Variants in HEATR5A observed in about 807,000 individuals in gnomAD.
HEATR5A encodes HEAT repeat-containing protein 5A.
Under a neutral mutation model 218.8 loss-of-function variants are expected in HEATR5A, and 178 were observed. The ratio of observed to expected loss-of-function variants is 0.81; its 90% CI spans 0.72 to 0.92. HEATR5A has a LOEUF of 0.92. Ranked by LOEUF, HEATR5A falls within the 40% of genes least tolerant of loss-of-function variation. HEATR5A has a pLI of 0.00. For synonymous variants in HEATR5A, 864 were observed against 871.6 expected (o/e 0.99, Z 0.15); for missense variants, 2,420 against 2,418.9 (o/e 1.00, Z -0.01).
chr14:31,368,682 A>T (rs1901896735), intron 13 of HEATR5A, among the ~76,000 whole-genome samples: 1 of 150,592 alleles, frequency 6.6e-6, no homozygotes, highest in Non-Finnish European at 1.5e-5. Flanking sequence ...AGTGAGCATC[A>T]GTACATCTGA....
intron 1 of HEATR5A, among the ~76,000 whole-genome samples, chr14:31,403,884 T>G (rs971173511): frequency 3.9e-5 from 6 of 152,132 alleles, no homozygotes; most frequent in Non-Finnish European, 7.4e-5. Context: ...ACATACAAAT[T>G]TATAAGATGG....
chr14:31,345,918 A>G (rs1184014806), intron 19 of HEATR5A, among the ~76,000 whole-genome samples: 1 of 152,000 alleles, frequency 6.6e-6, no homozygotes, highest in Non-Finnish European at 1.5e-5. Context: ...ACACACGCAC[A>G]CACACACACA....
chr14:31,363,681 T>C (rs969372250), intron 14 of HEATR5A, among the ~76,000 whole-genome samples: 3 of 152,082 alleles, frequency 2.0e-5, no homozygotes, highest in African/African-American at 7.2e-5. Context: ...AGGAGGTTTT[T>C]TAAAAAAAAG....
chr14:31,306,527 T>C (rs1899561231), intron 31 of HEATR5A, among the ~76,000 whole-genome samples: 1 of 152,136 alleles, frequency 6.6e-6, no homozygotes, highest in Non-Finnish European at 1.5e-5. Flanking sequence ...CTAAAGACTC[T>C]ACTTTCAGGG....
At chr14:31,321,412 G>T in intron 25 of HEATR5A, 87 bp downstream of exon 25, 1 of 1,066,502 alleles carries the variant, frequency 9.4e-7, no homozygotes, top group Non-Finnish European at 1.3e-6. Flanking sequence ...GAAGTGCTGG[G>T]ATTACAGGCA....
chr14:31,412,815 G>A (rs1034269276), intron 1 of HEATR5A, among the ~76,000 whole-genome samples: 4 of 152,068 alleles, frequency 2.6e-5, no homozygotes, highest in African/African-American at 9.7e-5. Context: ...TGAAAGTTGT[G>A]GTGAGCCAAG....
In HEATR5A at chr14:31,387,317, G is replaced by T. The variant is rs1186904081; in HGVS notation, c.992C>A (p.Ala331Asp). The T allele has an allele frequency of 3.7e-6, 6 of 1,613,818 alleles. No homozygotes were observed. In the South Asian group the frequency reaches 4.4e-5, roughly 12 times the overall value. ...GGAWLEKNFA[A>D]FFSHILSLAS... ...AAGGCTTAGGATATGAGAAAAAAAG[G>T]CAGCAAAATTTTTCTCTAGCCAAGC... The change falls in exon 8 of 36, where the codon GCC becomes GAC. Residue 331 changes from alanine to aspartate, a missense_variant. Transcript: ENST00000543095.
chr14:31,309,558 T>G lies in HEATR5A; in HGVS notation c.4442-376A>C, dbSNP rs1008852657. On this transcript the variant is annotated intron_variant, in intron 28 of 35. Transcript: ENST00000543095. ...GTCATAGGGCTGATCTACTTTTAAC[T>G]TCATAAAAAGTTTTCAGCCTAATTA... is the stretch of plus-strand genomic sequence containing the variant. Among the ~76,000 whole-genome samples, 5 of 152,344 alleles carry G rather than the reference T, an allele frequency of 3.3e-5. No homozygotes were observed. The East Asian group carries it at 9.6e-4, about 29-fold the overall frequency.
intron 1 of HEATR5A, among the ~76,000 whole-genome samples, chr14:31,407,643 T>A (rs1356796614): frequency 1.1e-5 from 1 of 91,970 alleles, no homozygotes; most frequent in Non-Finnish European, 2.3e-5. Context: ...TATATGTATT[T>A]TGGAGATGGA....
At chr14:31,305,359 T>C (rs1046096640) in intron 31 of HEATR5A, among the ~76,000 whole-genome samples, 182 bp from the exon 32 acceptor site, 4 of 152,126 alleles carry the variant, frequency 2.6e-5, no homozygotes, top group Non-Finnish European at 5.9e-5. Context: ...GCCTTCCAGT[T>C]TCAAGCGATT....
In HEATR5A at chr14:31,337,627, A is replaced by AT; in HGVS notation, c.3229-14dup. ...TACAAAGATTCACCTGAAAAATACC[A>AT]TTTGAGGAACGACAGAGCTAAAATT... On this transcript the variant is annotated splice_polypyrimidine_tract_variant and intron_variant, in intron 21 of 35. Transcript: ENST00000543095. 1 of 1,594,906 alleles carries AT rather than the reference A, an allele frequency of 6.3e-7. No individual in the cohort carries two copies. Among genetic ancestry groups the AT allele is most frequent in the Admixed American group, 1.7e-5 (1 of 57,414 alleles).
At chr14:31,303,119 A>C (rs1035503859) in intron 32 of HEATR5A, among the ~76,000 whole-genome samples, 2 of 151,750 alleles carry the variant, frequency 1.3e-5, no homozygotes, top group Non-Finnish European at 2.9e-5. Context: ...TAAAAAAAAA[A>C]CCAACCAACT....
chr14:31,345,620 T>C (rs1183563091), intron 19 of HEATR5A, among the ~76,000 whole-genome samples: 2 of 152,356 alleles, frequency 1.3e-5, no homozygotes, highest in Non-Finnish European at 2.9e-5. Flanking sequence ...TTCAACAATA[T>C]GGACAAATCT....
rs2030557780 is a variant in HEATR5A at position 31,394,109 on chromosome 14, A to C, written c.715T>G (p.Ser239Ala). The change falls in exon 6 of 36, where the codon TCA becomes GCA. Residue 239 changes from serine (S) to alanine (A), a missense_variant. Physicochemically the swap from Ser to Ala is moderately conservative, Grantham distance 99. Coordinates refer to ENST00000543095, the MANE Select transcript of HEATR5A (RefSeq NM_015473.4). ...GCTAATATTATGCCTAGTAACTTTG[A>C]AACAGAAATCCGCACATCATAATTG... ...GSNYDVRISV[S>A]KLLGIILAKA... 5 of 1,535,762 alleles carry C rather than the reference A, an allele frequency of 3.3e-6. No individual in the cohort carries two copies. Among genetic ancestry groups the C allele is most frequent in the Non-Finnish European group, 4.4e-6 (5 of 1,146,406 alleles).
chr14:31,302,498 G>A lies in HEATR5A; in HGVS notation c.5261C>T (p.Thr1754Ile), dbSNP rs1045205961. 1.9e-6 allele frequency: 3 copies of A among 1,579,502 alleles called. No individual in the cohort carries two copies. The highest frequency in any genetic ancestry group is 2.3e-5 in the South Asian group (2 of 86,320). Residue 1754 changes from threonine to isoleucine, a missense_variant, in exon 33 of 36, where the codon ACT becomes ATT. Thr to Ile is a moderately conservative substitution (Grantham distance 89, BLOSUM62 -1). Transcript: ENST00000543095. ...SPEGSISILP[T>I]ILYLTIGVLR... is the part of the protein sequence containing the mutation. ...GACCCCGATTGTGAGGTACAATATA[G>A]TAGGGAGAATTGAGATGCTTCCTGT...
chr14:31,334,528 G>T, intron 22 of HEATR5A: 4 of 439,046 alleles, frequency 9.1e-6, no homozygotes, highest in South Asian at 6.5e-5. Flanking sequence ...AGGTTTGAGA[G>T]AACTGATTCT....
chr14:31,374,385 T>C (rs1177267858), intron 12 of HEATR5A, among the ~76,000 whole-genome samples: 2 of 151,950 alleles, frequency 1.3e-5, no homozygotes, highest in Non-Finnish European at 2.9e-5. Flanking sequence ...ATTAGATACA[T>C]TTTTGGGGAG....
At chr14:31,416,473 T>G (rs2031453090) in intron 1 of HEATR5A, among the ~76,000 whole-genome samples, 1 of 152,158 alleles carries the variant, frequency 6.6e-6, no homozygotes. Flanking sequence ...TATTTAAAAT[T>G]ATCACCTTCT....
chr14:31,302,389 TA>T lies in HEATR5A; in HGVS notation c.5369del (p.Leu1790TyrfsTer23). The part of the protein sequence containing the change: ...AASLQALKGI[L>X]SSPMARAEKS... ...TTTCTGCCCGGGCCATGGGAGAAGA[TA>T]ATATTCCTTTTAGAGCCTGTAGGGA... On this transcript the variant is annotated frameshift_variant, in exon 33 of 36. Coordinates refer to ENST00000543095, the MANE Select transcript of HEATR5A (RefSeq NM_015473.4). LOFTEE classifies it high-confidence loss of function. 1 of 1,602,730 alleles carries T rather than the reference TA, an allele frequency of 6.2e-7. No homozygotes were observed. Among genetic ancestry groups the T allele is most frequent in the Admixed American group, 1.7e-5 (1 of 58,252 alleles).
Sources: allele counts gnomAD v4.1 joint callset (sites outside exome capture counted in the v4.1 genomes callset), GRCh38; gene constraint gnomAD v4.1.1; transcripts MANE v1.5; gene names NCBI Gene and HGNC (gene_info 2026-07-23, HGNC 2026-07-21).